The following FNDC8 variants were observed in gnomAD, a reference collection of about 807,000 sequenced individuals.
The protein encoded by FNDC8 is fibronectin type III domain containing 8.
Under a neutral mutation model 24.8 loss-of-function variants are expected in FNDC8, and 23 were observed. The observed-to-expected ratio is 0.93, with a 90% CI of 0.67 to 1.31. FNDC8 has a LOEUF of 1.31. Ranked by LOEUF, FNDC8 falls within the 40% of genes most tolerant of loss-of-function variation. The pLI is 0.00. For synonymous variants in FNDC8, 158 were observed against 165.3 expected (o/e 0.96, Z 0.34); for missense variants, 371 against 398.2 (o/e 0.93, Z 0.58).
chr17:35,123,950 C>A (rs565551380), intron 1 of FNDC8, among the ~76,000 whole-genome samples: 42 of 152,290 alleles, frequency 2.8e-4, no homozygotes, highest in African/African-American at 9.4e-4. Flanking sequence ...TTCATTAGGA[C>A]AATCTAAAGC....
rs575924638 is a variant in FNDC8 at position 35,125,016 on chromosome 17, C to A, written c.210-2026C>A. Reference sequence around the variant, plus strand: ...TGAGTCGAAGTCACACCAGTGCACTCCAGCCTGGGCGACAGAGCGAGACTC... The same window carrying A: ...TGAGTCGAAGTCACACCAGTGCACTACAGCCTGGGCGACAGAGCGAGACTC... On this transcript the variant is annotated intron_variant, in intron 1 of 3. Coordinates refer to ENST00000158009, the MANE Select transcript of FNDC8 (RefSeq NM_017559.4). Among the ~76,000 whole-genome samples the A allele has an allele frequency of 2.0e-5, 3 of 150,670 alleles. No homozygotes were observed. The South Asian group carries it at 6.3e-4, about 32-fold the overall frequency.
chr17:35,126,050 A>T (rs1219097398), intron 1 of FNDC8, among the ~76,000 whole-genome samples: 1 of 152,068 alleles, frequency 6.6e-6, no homozygotes, highest in Non-Finnish European at 1.5e-5. Context: ...CCTTCCAAGT[A>T]GCTGGAATTA....
rs1555571324 is a variant in FNDC8, at chr17:35,126,497, C to CATTTTTTTTTTTTTTTTTTT, written c.210-545_210-544insATTTTTTTTTTTTTTTTTTT. ...AACACTTGCATCAGGATTTTCTAAG[C>CATTTTTTTTTTTTTTTTTTT]TTTTTTTTTTTTTTTTTTTTTTTGA... On this transcript the variant is annotated intron_variant, in intron 1 of 3. Coordinates refer to ENST00000158009, the MANE Select transcript of FNDC8 (RefSeq NM_017559.4). 5.4e-5 allele frequency among the ~76,000 whole-genome samples: 6 copies of CATTTTTTTTTTTTTTTTTTT among 112,046 alleles called. 1 individual carries two copies. The highest frequency in any genetic ancestry group is 3.6e-5 in the Non-Finnish European group (2 of 55,106). The allele number at this position is 112,046 out of a possible 152,430, so 73.5% of individuals were successfully genotyped here.
rs538424141 is a variant in FNDC8 at position 35,125,739 on chromosome 17, G to C, written c.210-1303G>C. On this transcript the variant is annotated intron_variant, in intron 1 of 3. Coordinates refer to ENST00000158009, the MANE Select transcript of FNDC8 (RefSeq NM_017559.4). Reference sequence around the variant, plus strand: ...AGGATGGGGACTTTGGTGGGAGACAGAAGTGTCTGGGGGGCTTTACCCATA... The same window carrying C: ...AGGATGGGGACTTTGGTGGGAGACACAAGTGTCTGGGGGGCTTTACCCATA... Among the ~76,000 whole-genome samples, 622 of 152,308 alleles carry C rather than the reference G, an allele frequency of 4.1e-3. 5 individuals are homozygous for C. Among genetic ancestry groups the C allele is most frequent in the African/African-American group, 0.014 (564 of 41,552 alleles).
chr17:35,130,223 G>A (rs1027154019), intron 3 of FNDC8, 59 bp from the exon 4 acceptor site: 1 of 1,585,460 alleles, frequency 6.3e-7, no homozygotes, highest in African/African-American at 1.4e-5. Flanking sequence ...TAGAGACAGA[G>A]AGAGAGCCAG....
In FNDC8 at chr17:35,130,312, T is replaced by C; in HGVS notation, c.853T>C (p.Phe285Leu). The change falls in exon 4 of 4, where the codon TTT becomes CTT. Residue 285 changes from phenylalanine (F) to leucine (L), a missense_variant. Transcript: ENST00000158009. ...AACCCTGGCCACTGACTTCAGCAGC[T>C]TTCCTGAGAACTACCCCATCCAGAT... The part of the protein sequence containing the change: ...FATLATDFSS[F>L]PENYPIQITV... The C allele has an allele frequency of 6.2e-7, 1 of 1,614,056 alleles. No individual in the cohort carries two copies. The highest frequency in any genetic ancestry group is 8.5e-7 in the Non-Finnish European group (1 of 1,179,972).
chr17:35,129,699 G>A lies in FNDC8; in HGVS notation c.822+41G>A, dbSNP rs1226397320. The A allele has an allele frequency of 3.1e-6, 5 of 1,598,172 alleles. No homozygotes were observed. In the South Asian group the frequency reaches 5.6e-5, roughly 18 times the overall value. On this transcript the variant is annotated intron_variant, in intron 3 of 3. Transcript: ENST00000158009. ...AGAGGGGCCTTGGGGGTGGAGAGAA[G>A]TCCAAAGCCAGGGAACCAGGGCTTT...
intron 3 of FNDC8, chr17:35,130,031 G>A (rs2091866902): frequency 7.2e-7 from 1 of 1,390,136 alleles, no homozygotes; most frequent in Admixed American, 3.1e-5. Flanking sequence ...AACAGCCTGG[G>A]TATGGGGTAG....
In FNDC8 at chr17:35,129,527, C is replaced by A. The variant is rs767891515; in HGVS notation, c.691C>A (p.Arg231Ser). 8.1e-6 allele frequency: 13 copies of A among 1,614,060 alleles called. No individual in the cohort carries two copies. The South Asian group carries it at 1.1e-4, about 14-fold the overall frequency. ...GAATGAGTTGCCCGAGGCAAAGAAT[C>A]GTCCATGGATCTTCAACAAGATTTT... ...QENELPEAKNRPWIFNKILGT... is the reference protein window; with the variant it reads ...QENELPEAKNSPWIFNKILGT... The change falls in exon 3 of 4, where the codon CGT (arginine) becomes AGT (serine). Residue 231 changes from arginine (R) to serine (S), a missense_variant. Physicochemically the swap from Arg to Ser is moderately radical, Grantham distance 110. Coordinates refer to ENST00000158009, the MANE Select transcript of FNDC8 (RefSeq NM_017559.4).
chr17:35,129,353 T>G, intron 2 of FNDC8, 69 bp from the exon 3 acceptor site: 2 of 1,563,084 alleles, frequency 1.3e-6, no homozygotes, highest in Non-Finnish European at 1.7e-6. Flanking sequence ...CTGACCCCAG[T>G]TGGGAGGGTG....
Position 35,130,441 on chromosome 17 carries a change from G to A in FNDC8, c.*7G>A, listed in dbSNP as rs777193469. On this transcript the variant is annotated 3_prime_UTR_variant, in exon 4 of 4. Coordinates refer to ENST00000158009, the MANE Select transcript of FNDC8 (RefSeq NM_017559.4). ...ATACCTATTTCCCTGTTAAGGGGGAGGGCCCCAGGACACCCCTCACCTACT... is the reference window on the plus strand; with the variant it reads ...ATACCTATTTCCCTGTTAAGGGGGAAGGCCCCAGGACACCCCTCACCTACT... The A allele has an allele frequency of 1.9e-6, 3 of 1,612,256 alleles. No homozygotes were observed. Among genetic ancestry groups the A allele is most frequent in the African/African-American group, 2.7e-5 (2 of 74,892 alleles).
intron 1 of FNDC8, among the ~76,000 whole-genome samples, chr17:35,124,248 G>A (rs1325248587): frequency 2.0e-5 from 3 of 152,206 alleles, no homozygotes; most frequent in Non-Finnish European, 4.4e-5. Context: ...AAAATAAACT[G>A]GCTGGGTGCA....
intron 1 of FNDC8, among the ~76,000 whole-genome samples, chr17:35,126,495 A>G (rs1234174491): frequency 7.3e-6 from 1 of 137,018 alleles, no homozygotes; most frequent in Non-Finnish European, 1.6e-5. Flanking sequence ...GGATTTTCTA[A>G]GCTTTTTTTT....
intron 2 of FNDC8, among the ~76,000 whole-genome samples, chr17:35,128,043 T>A (rs1438756391): frequency 2.6e-5 from 4 of 152,236 alleles, no homozygotes; most frequent in African/African-American, 7.2e-5. Flanking sequence ...GGATGGGGAA[T>A]GTTAGTCTGG....
At chr17:35,125,408 C>G (rs1045921609) in intron 1 of FNDC8, among the ~76,000 whole-genome samples, 2 of 152,132 alleles carry the variant, frequency 1.3e-5, no homozygotes, top group Non-Finnish European at 2.9e-5. Flanking sequence ...CAGAGGGAGA[C>G]CCTGTCTCAA....
At chr17:35,122,494 G>A (rs1386877885) in intron 1 of FNDC8, among the ~76,000 whole-genome samples, 1 of 151,780 alleles carries the variant, frequency 6.6e-6, no homozygotes, top group Non-Finnish European at 1.5e-5. Flanking sequence ...TCACTTCTTG[G>A]AGGCATATGG....
chr17:35,127,218 A>C lies in FNDC8; in HGVS notation c.386A>C (p.Asn129Thr). Residue 129 changes from asparagine (N) to threonine (T), a missense_variant, in exon 2 of 4, where the codon AAT becomes ACT. Coordinates refer to ENST00000158009, the MANE Select transcript of FNDC8 (RefSeq NM_017559.4). ...NKLSFSPMAK[N>T]AENEDLALGP... Reference sequence around the variant, plus strand: ...CTCAGCTTCTCCCCAATGGCCAAGAATGCAGAAAATGAGGACCTGGCGCTC... The same window carrying C: ...CTCAGCTTCTCCCCAATGGCCAAGACTGCAGAAAATGAGGACCTGGCGCTC... 6.2e-7 allele frequency: 1 copy of C among 1,613,966 alleles called. No homozygotes were observed. The highest frequency in any genetic ancestry group is 8.5e-7 in the Non-Finnish European group (1 of 1,179,898).
Position 35,130,541 on chromosome 17 carries a change from G to A in FNDC8, c.*107G>A, listed in dbSNP as rs1445505905. ...TACCACCAGCACCCTGCGGGCCCGG[G>A]GTCTGGCAGAGTGGTATGGGCACCC... On this transcript the variant is annotated 3_prime_UTR_variant, in exon 4 of 4. Transcript: ENST00000158009. The A allele has an allele frequency of 1.2e-5, 15 of 1,261,316 alleles. No homozygotes were observed. Among genetic ancestry groups the A allele is most frequent in the Non-Finnish European group, 1.6e-5 (15 of 920,292 alleles). 78.1% of individuals were successfully genotyped at this position (1,261,316 alleles called of 1,614,324 possible).
At chr17:35,128,745 A>T (rs1044272353) in intron 2 of FNDC8, 3 of 153,694 alleles carry the variant, frequency 2.0e-5, no homozygotes, top group African/African-American at 4.8e-5. Flanking sequence ...GGATGAGTCA[A>T]GCATATTACA....
Sources: allele counts gnomAD v4.1 joint callset (sites outside exome capture counted in the v4.1 genomes callset), GRCh38; gene constraint gnomAD v4.1.1; transcripts MANE v1.5; gene names NCBI Gene and HGNC (gene_info 2026-07-23, HGNC 2026-07-21).